The following HTR2C variants were observed in gnomAD, a reference collection of about 807,000 sequenced individuals.
HTR2C encodes the protein 5-hydroxytryptamine receptor 2C.
In HTR2C, 5 loss-of-function variants were observed where a neutral mutation model predicts 21.0. The ratio of observed to expected loss-of-function variants is 0.24; its 90% CI spans 0.12 to 0.50. HTR2C has a LOEUF of 0.50. Ranked by LOEUF, HTR2C falls within the 20% of genes least tolerant of loss-of-function variation. The pLI, the probability that HTR2C is intolerant of heterozygous loss-of-function variation, is 0.98. For synonymous variants in HTR2C, 150 were observed against 145.3 expected (o/e 1.03, Z -0.23); for missense variants, 271 against 371.2 (o/e 0.73, Z 2.22).
In HTR2C at chrX:114,888,902, C is replaced by A. The variant is rs1020032944; in HGVS notation, c.551-17687C>A. ...ATATACCACATATTTACCTTCAGTT[C>A]ATTGAACGTATTTTAAATCACTTAT... is the stretch of plus-strand genomic sequence containing the variant. On this transcript the variant is annotated intron_variant, in intron 5 of 5. Transcript: ENST00000276198. Among the ~76,000 whole-genome samples, 11 of 111,614 alleles carry A rather than the reference C, an allele frequency of 9.9e-5. No individual in the cohort carries two copies. In the East Asian group the frequency reaches 3.1e-3, roughly 31 times the overall value.
chrX:114,877,618 A>G (rs1469518958), intron 5 of HTR2C, among the ~76,000 whole-genome samples: 1 of 109,845 alleles, frequency 9.1e-6, no homozygotes, highest in Non-Finnish European at 1.9e-5. Flanking sequence ...TACTATTACT[A>G]CTATTGCTGC....
In HTR2C at chrX:114,706,782, A is replaced by T. The variant is rs1417093763; in HGVS notation, c.-79-20076A>T. Among the ~76,000 whole-genome samples, 3 of 111,181 alleles carry T rather than the reference A, an allele frequency of 2.7e-5. No homozygotes were observed. In the East Asian group the frequency reaches 8.5e-4, roughly 31 times the overall value. On this transcript the variant is annotated intron_variant, in intron 2 of 5. Transcript: ENST00000276198. ...ATAAAAATAGATTTGCATAAATACA[A>T]TCTGCAGCTGGCTTCATTCTCTTTT... is the stretch of plus-strand genomic sequence containing the variant.
At chrX:114,732,515 T>A (rs1205741215) in intron 4 of HTR2C, among the ~76,000 whole-genome samples, 3 of 111,028 alleles carry the variant, frequency 2.7e-5, no homozygotes, top group Non-Finnish European at 5.7e-5. Flanking sequence ...AATAAATGCA[T>A]CTAGAAAATA....
intron 4 of HTR2C, among the ~76,000 whole-genome samples, chrX:114,808,335 G>A (rs1216516748): frequency 1.8e-5 from 2 of 111,616 alleles, no homozygotes; most frequent in Non-Finnish European, 3.8e-5. Context: ...ACTCCATTGT[G>A]TATGTGTACA....
intron 4 of HTR2C, among the ~76,000 whole-genome samples, chrX:114,743,166 T>G (rs1010068601): frequency 1.6e-4 from 14 of 85,825 alleles, no homozygotes; most frequent in Non-Finnish European, 2.7e-4. Context: ...TCTTTGCTAT[T>G]GTGAATAGTG....
At chrX:114,746,963 C>T (rs1023420478) in intron 4 of HTR2C, among the ~76,000 whole-genome samples, 7 of 108,697 alleles carry the variant, frequency 6.4e-5, no homozygotes, top group Admixed American at 3.0e-4. Flanking sequence ...CCAGCCTGGG[C>T]GACAGAGCGA....
intron 2 of HTR2C, among the ~76,000 whole-genome samples, chrX:114,628,504 C>T (rs934749011): frequency 9.8e-6 from 1 of 102,122 alleles, no homozygotes; most frequent in Non-Finnish European, 2.0e-5. Flanking sequence ...GGTGATCTGC[C>T]CACCTCAGCC....
chrX:114,801,514 C>T (rs1400879599), intron 4 of HTR2C, among the ~76,000 whole-genome samples: 1 of 111,062 alleles, frequency 9.0e-6, no homozygotes. Flanking sequence ...AGAAAATAAA[C>T]ACTGGCTCCT....
At chrX:114,827,906 G>A (rs1489492165) in intron 4 of HTR2C, among the ~76,000 whole-genome samples, 1 of 110,363 alleles carries the variant, frequency 9.1e-6, no homozygotes, top group Non-Finnish European at 1.9e-5. Context: ...TGACCAGTTT[G>A]ATTATGATGA....
At chrX:114,807,000 C>G (rs1185607617) in intron 4 of HTR2C, among the ~76,000 whole-genome samples, 5 of 78,631 alleles carry the variant, frequency 6.4e-5, no homozygotes, top group African/African-American at 2.8e-4. Context: ...ATATATATAC[C>G]ATATATATCA....
chrX:114,651,863 C>G (rs1296691500), intron 2 of HTR2C, among the ~76,000 whole-genome samples: 2 of 111,595 alleles, frequency 1.8e-5, no homozygotes, highest in Non-Finnish European at 3.8e-5. Context: ...TCAAAGTTAG[C>G]TTTCAGTAGC....
At chrX:114,605,514 G>A (rs1401163883) in intron 1 of HTR2C, among the ~76,000 whole-genome samples, 5 of 111,132 alleles carry the variant, frequency 4.5e-5, no homozygotes, top group African/African-American at 9.8e-5. Flanking sequence ...AGGGACTGAC[G>A]TGTAAAAGAA....
At position 114,893,178 on chromosome X, in the gene HTR2C, G is replaced by A. The variant is rs188889306; in HGVS notation, c.551-13411G>A. 1.7e-4 allele frequency among the ~76,000 whole-genome samples: 19 copies of A among 110,408 alleles called. No individual in the cohort carries two copies. The East Asian group carries it at 4.3e-3, about 25-fold the overall frequency. On this transcript the variant is annotated intron_variant, in intron 5 of 5. Coordinates refer to ENST00000276198, the MANE Select transcript of HTR2C (RefSeq NM_000868.4). ...GATCCACCCGCCTCAGCCTCCCAAC[G>A]TGTGGGATTACAAGTGTGAGCCACT...
At chrX:114,715,359 C>G (rs781984178) in intron 2 of HTR2C, 4 of 378,208 alleles carry the variant, frequency 1.1e-5, no homozygotes, top group African/African-American at 1.0e-4. Flanking sequence ...GAACCCTCCA[C>G]AACCAGAAGA....
At position 114,715,131 on chromosome X, in the gene HTR2C, G is replaced by A. The variant is rs781977894; in HGVS notation, c.-79-11727G>A. ...TCACTTCTTTTTTCCAGATGAGACAGCAAAACCAGAAACTGACCCTTCAAC... is the reference window on the plus strand; with the variant it reads ...TCACTTCTTTTTTCCAGATGAGACAACAAAACCAGAAACTGACCCTTCAAC... On this transcript the variant is annotated intron_variant, in intron 2 of 5. Coordinates refer to ENST00000276198, the MANE Select transcript of HTR2C (RefSeq NM_000868.4). 1.7e-5 allele frequency: 4 copies of A among 231,488 alleles called. No individual in the cohort carries two copies. The Admixed American group carries it at 1.9e-4, about 11-fold the overall frequency. 19.1% of individuals were successfully genotyped at this position (231,488 alleles called of 1,213,427 possible).
intron 4 of HTR2C, among the ~76,000 whole-genome samples, chrX:114,772,260 A>G (rs1262753406): frequency 8.9e-6 from 1 of 112,069 alleles, no homozygotes; most frequent in African/African-American, 3.2e-5. Context: ...CTTGAATTAT[A>G]ATGACATTTT....
At chrX:114,718,505 AT>A (rs1374207982) in intron 2 of HTR2C, among the ~76,000 whole-genome samples, 3 of 112,216 alleles carry the variant, frequency 2.7e-5, no homozygotes, top group Non-Finnish European at 3.8e-5. Context: ...TTCATACTTA[AT>A]TAAATTTTCA....
At chrX:114,807,752 A>G (rs1226215115) in intron 4 of HTR2C, among the ~76,000 whole-genome samples, 1 of 109,026 alleles carries the variant, frequency 9.2e-6, no homozygotes, top group African/African-American at 3.4e-5. Flanking sequence ...GGCTCACTGC[A>G]ACCTCTGCCT....
At chrX:114,659,711 A>G (rs1930916208) in intron 2 of HTR2C, among the ~76,000 whole-genome samples, 1 of 110,629 alleles carries the variant, frequency 9.0e-6, no homozygotes, top group African/African-American at 3.3e-5. Context: ...ATTGTAATAT[A>G]TTGACTAGAA....
Sources: allele counts gnomAD v4.1 joint callset (sites outside exome capture counted in the v4.1 genomes callset), GRCh38; gene constraint gnomAD v4.1.1; transcripts MANE v1.5; gene names NCBI Gene and HGNC (gene_info 2026-07-23, HGNC 2026-07-21).